Variants in AGPAT5 observed in about 807,000 individuals in gnomAD.
AGPAT5 encodes the protein 1-acylglycerol-3-phosphate O-acyltransferase 5.
AGPAT5 carries 46 observed loss-of-function variants against 45.6 expected under a neutral mutation model. The ratio of observed to expected loss-of-function variants is 1.01; its 90% confidence interval spans 0.80 to 1.29. The LOEUF (loss-of-function observed/expected upper bound fraction) is 1.29, where lower values mean the gene tolerates loss of function less well. Ranked by LOEUF, AGPAT5 falls within the 50% of genes most tolerant of loss-of-function variation. The pLI is 0.00. For synonymous variants in AGPAT5, 272 were observed against 167.0 expected (o/e 1.63, Z -4.85); for missense variants, 673 against 450.7 (o/e 1.49, Z -4.47).
chr8:6,720,753 T>C (rs1301927475), intron 1 of AGPAT5, among the ~76,000 whole-genome samples: 1 of 152,208 alleles, frequency 6.6e-6, no homozygotes, highest in East Asian at 1.9e-4. Flanking sequence ...TTGTTTTTCA[T>C]ATGCAAAATA....
At chr8:6,745,900 T>A (rs1475428293) in intron 5 of AGPAT5, 1 of 152,224 alleles carries the variant, frequency 6.6e-6, no homozygotes, top group African/African-American at 2.4e-5. Context: ...AATGTTTTGT[T>A]CCTTCAGCCT....
intron 6 of AGPAT5, among the ~76,000 whole-genome samples, chr8:6,753,970 A>G (rs1455675978): frequency 6.6e-6 from 1 of 152,192 alleles, no homozygotes; most frequent in Non-Finnish European, 1.5e-5. Context: ...AGCAAAGACA[A>G]GTCTTCCTCG....
At chr8:6,714,314 C>G (rs1004405266) in intron 1 of AGPAT5, among the ~76,000 whole-genome samples, 1 of 152,154 alleles carries the variant, frequency 6.6e-6, no homozygotes, top group African/African-American at 2.4e-5. Flanking sequence ...CTTATTTAAG[C>G]AGGATAATAA....
At chr8:6,715,093 G>T (rs1457802077) in intron 1 of AGPAT5, among the ~76,000 whole-genome samples, 1 of 152,162 alleles carries the variant, frequency 6.6e-6, no homozygotes, top group African/African-American at 2.4e-5. Context: ...TCCAGGTGCT[G>T]TCCTGGGTAC....
At chr8:6,720,627 G>A (rs1370530438) in intron 1 of AGPAT5, among the ~76,000 whole-genome samples, 1 of 152,156 alleles carries the variant, frequency 6.6e-6, no homozygotes, top group Admixed American at 6.5e-5. Context: ...TTATCTTCAG[G>A]AAGATCACAC....
At chr8:6,748,879 A>G (rs2116949462) in intron 6 of AGPAT5, among the ~76,000 whole-genome samples, 1 of 152,310 alleles carries the variant, frequency 6.6e-6, no homozygotes, top group Admixed American at 6.5e-5. Flanking sequence ...ATGAGCCTCC[A>G]GCACGTTTTA....
At chr8:6,751,472 G>C (rs1024326724) in intron 6 of AGPAT5, among the ~76,000 whole-genome samples, 1 of 152,232 alleles carries the variant, frequency 6.6e-6, no homozygotes, top group Non-Finnish European at 1.5e-5. Context: ...CTGGGAAGCT[G>C]TAGAAGCTGC....
chr8:6,717,983 G>C (rs894208084), intron 1 of AGPAT5, among the ~76,000 whole-genome samples: 1 of 152,118 alleles, frequency 6.6e-6, no homozygotes, highest in African/African-American at 2.4e-5. Context: ...CTGCCATTCC[G>C]TATGTCATCT....
At chr8:6,735,112 C>G (rs2116909757) in intron 4 of AGPAT5, among the ~76,000 whole-genome samples, 1 of 152,282 alleles carries the variant, frequency 6.6e-6, no homozygotes, top group South Asian at 2.1e-4. Flanking sequence ...TTGCTTCTGG[C>G]TGTAAGTCTG....
chr8:6,717,964 C>A (rs925541688), intron 1 of AGPAT5, among the ~76,000 whole-genome samples: 20 of 152,164 alleles, frequency 1.3e-4, no homozygotes, highest in Non-Finnish European at 2.8e-4. Flanking sequence ...AGGTGTAATT[C>A]CTATTTCTCT....
At chr8:6,753,944 T>C (rs1801740908) in intron 6 of AGPAT5, among the ~76,000 whole-genome samples, 1 of 152,018 alleles carries the variant, frequency 6.6e-6, no homozygotes, top group African/African-American at 2.4e-5. Context: ...AAACGGGAAG[T>C]GTGTGGGGTT....
At chr8:6,716,242 T>A (rs1288877184) in intron 1 of AGPAT5, among the ~76,000 whole-genome samples, 1 of 152,136 alleles carries the variant, frequency 6.6e-6, no homozygotes, top group Non-Finnish European at 1.5e-5. Context: ...ATGACTTGAT[T>A]TTACTTTTTC....
chr8:6,736,233 G>T (rs986711637), intron 4 of AGPAT5, among the ~76,000 whole-genome samples: 1 of 152,134 alleles, frequency 6.6e-6, no homozygotes, highest in Non-Finnish European at 1.5e-5. Context: ...ATAAACATTG[G>T]TACCACACTA....
At chr8:6,748,150 T>C (rs1400415585) in intron 6 of AGPAT5, among the ~76,000 whole-genome samples, 1 of 152,174 alleles carries the variant, frequency 6.6e-6, no homozygotes, top group Non-Finnish European at 1.5e-5. Context: ...CCGGCAGTAC[T>C]GAGTGCACGT....
intron 1 of AGPAT5, among the ~76,000 whole-genome samples, chr8:6,722,228 T>G (rs1017297763): frequency 6.6e-6 from 1 of 152,090 alleles, no homozygotes; most frequent in Non-Finnish European, 1.5e-5. Context: ...CACAGGGAAA[T>G]TTATGTCCTG....
rs1177214514 is a variant in AGPAT5, at chr8:6,729,110, G to A, written c.290-1601G>A. ...ATCAAGAAAAAGTTAACTTGTGAATGATAATCCCTGATTAAAAAGAGAGAT... is the reference window on the plus strand; with the variant it reads ...ATCAAGAAAAAGTTAACTTGTGAATAATAATCCCTGATTAAAAAGAGAGAT... On this transcript the variant is annotated intron_variant, in intron 2 of 7. Transcript: ENST00000285518. Among the ~76,000 whole-genome samples the A allele has an allele frequency of 2.6e-5, 4 of 152,280 alleles. No individual in the cohort carries two copies. In the East Asian group the frequency reaches 7.7e-4, roughly 29 times the overall value.
chr8:6,734,321 A>T, intron 4 of AGPAT5, among the ~76,000 whole-genome samples: 1 of 147,328 alleles, frequency 6.8e-6, no homozygotes, highest in African/African-American at 2.5e-5. Flanking sequence ...CATTTTGGAT[A>T]ATTTCTGTTG....
rs373740533 is a variant in AGPAT5, at chr8:6,747,876, G to A, written c.745+48G>A. 169 of 1,532,140 alleles carry A rather than the reference G, an allele frequency of 1.1e-4. No homozygotes were observed. The African/African-American group carries it at 1.9e-3, about 17-fold the overall frequency. The allele number at this position is 1,532,140 out of a possible 1,614,324, so 94.9% of individuals were successfully genotyped here. A position where few individuals can be genotyped will look rare whatever the true frequency, so the allele number is the denominator to read the frequency against. On this transcript the variant is annotated intron_variant, in intron 6 of 7. Transcript: ENST00000285518. ...AATGCCTGTACACGGTATATACAGT[G>A]CACATGTTTATGTAGAATTCAGTTT...
At chr8:6,733,822 G>A (rs559679083) in intron 4 of AGPAT5, among the ~76,000 whole-genome samples, 1 of 152,184 alleles carries the variant, frequency 6.6e-6, no homozygotes, top group Non-Finnish European at 1.5e-5. Context: ...TTCCTTCTGT[G>A]TCCTGCTGTG....
Sources: allele counts gnomAD v4.1 joint callset (sites outside exome capture counted in the v4.1 genomes callset), GRCh38; gene constraint gnomAD v4.1.1; transcripts MANE v1.5; gene names NCBI Gene and HGNC (gene_info 2026-07-23, HGNC 2026-07-21).